The following OR14A2 variants were observed in gnomAD, a reference collection of about 807,000 sequenced individuals.
OR14A2 encodes the protein olfactory receptor 14A2.
For synonymous variants in OR14A2, 114 were observed against 58.6 expected (o/e 1.95, Z -4.32); for missense variants, 237 against 152.9 (o/e 1.55, Z -2.90).
At chr1:247,737,767 C>T in the OR14A2 span, among the ~76,000 whole-genome samples, 5 of 152,172 alleles carry the variant, frequency 3.3e-5, no homozygotes, top group East Asian at 1.9e-4. Context: ...CTCTCCCTCA[C>T]GTTGGGGTGT....
At chr1:247,728,266 A>G (rs1660433313), upstream of OR14A2, among the ~76,000 whole-genome samples, 1 of 152,214 alleles carries the variant, frequency 6.6e-6, no homozygotes, top group Non-Finnish European at 1.5e-5. Flanking sequence ...AGGCTCGTTC[A>G]ATATACGCAA....
upstream of OR14A2, among the ~76,000 whole-genome samples, chr1:247,726,006 C>T (rs1660342634): frequency 6.9e-6 from 1 of 145,068 alleles, no homozygotes; most frequent in South Asian, 2.2e-4. Context: ...GTGCATGTGT[C>T]TTTATAGCAG....
chr1:247,732,367 G>C, the OR14A2 span, among the ~76,000 whole-genome samples: 1 of 152,128 alleles, frequency 6.6e-6, no homozygotes, highest in Non-Finnish European at 1.5e-5. Flanking sequence ...AAACTAAAAT[G>C]GTCAAGCGCC....
the OR14A2 span, among the ~76,000 whole-genome samples, chr1:247,732,108 T>G: frequency 6.6e-6 from 1 of 152,194 alleles, no homozygotes; most frequent in Non-Finnish European, 1.5e-5. Context: ...TCGGTCTTTC[T>G]GTGCATGTGT....
chr1:247,724,432 TC>T (rs1397774590), upstream of OR14A2, among the ~76,000 whole-genome samples: 1 of 152,138 alleles, frequency 6.6e-6, no homozygotes, highest in Non-Finnish European at 1.5e-5. Flanking sequence ...AGAAAAGCAA[TC>T]CAAAGGCCCA....
At chr1:247,738,437 A>T in the OR14A2 span, among the ~76,000 whole-genome samples, 1 of 152,198 alleles carries the variant, frequency 6.6e-6, no homozygotes, top group African/African-American at 2.4e-5. Flanking sequence ...ATATACCCAC[A>T]GTTGTTTTAC....
At chr1:247,746,351 C>G in the OR14A2 span, 3 of 152,202 alleles carry the variant, frequency 2.0e-5, no homozygotes, top group South Asian at 6.2e-4. Context: ...ACACCATCTC[C>G]CTGGTATCCA....
At chr1:247,747,353 C>T in the OR14A2 span, among the ~76,000 whole-genome samples, 2 of 147,556 alleles carry the variant, frequency 1.4e-5, no homozygotes, top group Non-Finnish European at 3.0e-5. Flanking sequence ...ACTGCTAATG[C>T]GAAGACTTTT....
the OR14A2 span, chr1:247,738,599 C>T: frequency 1.3e-6 from 1 of 764,168 alleles, no homozygotes; most frequent in East Asian, 2.4e-5. Flanking sequence ...CCATAGGGCG[C>T]TTATAATTTT....
chr1:247,729,059 T>A, the OR14A2 span, among the ~76,000 whole-genome samples: 4 of 152,132 alleles, frequency 2.6e-5, no homozygotes, highest in Admixed American at 2.0e-4. Flanking sequence ...TTTGCCTTTC[T>A]TTTATTTCAA....
the OR14A2 span, among the ~76,000 whole-genome samples, chr1:247,732,744 A>G: frequency 2.6e-5 from 4 of 152,210 alleles, no homozygotes; most frequent in Non-Finnish European, 5.9e-5. Flanking sequence ...TCAACAATGC[A>G]GTAGAATACT....
At chr1:247,726,124 T>G (rs1295622382), upstream of OR14A2, among the ~76,000 whole-genome samples, 2 of 126,284 alleles carry the variant, frequency 1.6e-5, no homozygotes, top group African/African-American at 4.2e-5. Flanking sequence ...TCCACAATGG[T>G]TGAACTAGTT....
the OR14A2 span, among the ~76,000 whole-genome samples, chr1:247,730,404 AC>A: frequency 6.6e-6 from 1 of 152,068 alleles, no homozygotes; most frequent in African/African-American, 2.4e-5. Flanking sequence ...GGGCTATAAA[AC>A]ACTTCAAACC....
the OR14A2 span, among the ~76,000 whole-genome samples, chr1:247,729,077 A>G: frequency 6.6e-6 from 1 of 152,152 alleles, no homozygotes; most frequent in Non-Finnish European, 1.5e-5. Flanking sequence ...CAAATTTGAC[A>G]TAATTTGTAA....
At chr1:247,725,516 T>A (rs187987504), upstream of OR14A2, among the ~76,000 whole-genome samples, 1,501 of 146,286 alleles carry the variant, frequency 0.01, 29 homozygotes, top group African/African-American at 0.037. Flanking sequence ...TTTATTTATT[T>A]TTTATTTATT....
the OR14A2 span, among the ~76,000 whole-genome samples, chr1:247,737,091 C>A: frequency 3.9e-5 from 6 of 152,292 alleles, no homozygotes; most frequent in South Asian, 1.2e-3. Flanking sequence ...GCCACCATGC[C>A]TGGTCCCTTT....
the OR14A2 span, among the ~76,000 whole-genome samples, chr1:247,733,108 G>A: frequency 6.6e-6 from 1 of 152,110 alleles, no homozygotes; most frequent in African/African-American, 2.4e-5. Flanking sequence ...ACACCATCCT[G>A]AGAGCATTCG....
chr1:247,738,367 G>A, the OR14A2 span, among the ~76,000 whole-genome samples: 1 of 152,160 alleles, frequency 6.6e-6, no homozygotes, highest in Non-Finnish European at 1.5e-5. Flanking sequence ...AGGGAGAGAA[G>A]TGAAGTTCTT....
chr1:247,732,236 C>G, the OR14A2 span, among the ~76,000 whole-genome samples: 2 of 151,954 alleles, frequency 1.3e-5, no homozygotes, highest in Non-Finnish European at 2.9e-5. Context: ...TCTTTTCTGG[C>G]GCCCCAGTCC....
Sources: allele counts gnomAD v4.1 joint callset (sites outside exome capture counted in the v4.1 genomes callset), GRCh38; gene constraint gnomAD v4.1.1; transcripts MANE v1.5; gene names NCBI Gene and HGNC (gene_info 2026-07-23, HGNC 2026-07-21).